The following PRIMA1 variants were observed in gnomAD, a reference collection of about 807,000 sequenced individuals.
The protein encoded by PRIMA1 is proline-rich membrane anchor 1.
PRIMA1 carries 7 observed loss-of-function variants against 17.5 expected under a neutral mutation model. That is an observed-to-expected ratio of 0.40 (90% CI 0.23 to 0.75). PRIMA1 has a LOEUF of 0.75. Among genes scored for constraint, PRIMA1 ranks in the 30% least tolerant of loss-of-function variants. The probability of loss-of-function intolerance (pLI) is 0.37; values close to 1 mark genes in which losing one functional copy is unlikely to be tolerated. For missense variants in PRIMA1, 200 were observed against 201.8 expected, an observed-to-expected ratio of 0.99 and a Z score of 0.05; for synonymous variants, 97 against 77.9, an observed-to-expected ratio of 1.25 and a Z score of -1.29.
At chr14:93,785,369 T>C (rs1162910879) in intron 2 of PRIMA1, among the ~76,000 whole-genome samples, 2 of 152,216 alleles carry the variant, frequency 1.3e-5, no homozygotes, top group African/African-American at 4.8e-5. Flanking sequence ...TCTTATCAAC[T>C]AGCAGCAGTC....
At chr14:93,729,666 G>A (rs1595191292) in intron 4 of PRIMA1, among the ~76,000 whole-genome samples, 1 of 152,220 alleles carries the variant, frequency 6.6e-6, no homozygotes, top group East Asian at 1.9e-4. Context: ...GGCCAGAGCA[G>A]GCAACGAGGG....
chr14:93,760,452 C>T (rs763879332), intron 3 of PRIMA1, among the ~76,000 whole-genome samples: 11 of 152,104 alleles, frequency 7.2e-5, no homozygotes, highest in Admixed American at 2.0e-4. Context: ...GCATCTCCTC[C>T]ACCCACCCTT....
At chr14:93,777,770 G>C (rs1039633203) in intron 3 of PRIMA1, among the ~76,000 whole-genome samples, 4 of 152,216 alleles carry the variant, frequency 2.6e-5, no homozygotes, top group African/African-American at 9.6e-5. Flanking sequence ...GTTGCTGACA[G>C]GATGGCCTTC....
chr14:93,739,146 C>T (rs1264973798), intron 3 of PRIMA1, among the ~76,000 whole-genome samples: 11 of 151,938 alleles, frequency 7.2e-5, no homozygotes, highest in African/African-American at 2.4e-4. Flanking sequence ...TCTGCCTCCT[C>T]GGTTCAAGTG....
chr14:93,773,154 C>G (rs955956691), intron 3 of PRIMA1, among the ~76,000 whole-genome samples: 1 of 152,228 alleles, frequency 6.6e-6, no homozygotes, highest in Admixed American at 6.5e-5. Flanking sequence ...CTCTGAGCCA[C>G]TGCGCTACAT....
At chr14:93,783,255 C>T (rs747942712) in intron 2 of PRIMA1, among the ~76,000 whole-genome samples, 16 of 152,320 alleles carry the variant, frequency 1.1e-4, no homozygotes, top group African/African-American at 3.4e-4. Flanking sequence ...GCTCCCACTT[C>T]GCCCTGGGCA....
chr14:93,788,143 CAG>C (rs1325822843), intron 1 of PRIMA1, among the ~76,000 whole-genome samples: 1 of 152,178 alleles, frequency 6.6e-6, no homozygotes, highest in Non-Finnish European at 1.5e-5. Flanking sequence ...CGCACAACCA[CAG>C]AAACAGCCGT....
chr14:93,786,903 G>A (rs1032948296), intron 2 of PRIMA1, among the ~76,000 whole-genome samples: 4 of 152,230 alleles, frequency 2.6e-5, no homozygotes, highest in African/African-American at 9.6e-5. Context: ...CTCAGAGAGG[G>A]TAAGTGGGTT....
At chr14:93,761,055 C>CCCA (rs1230166578) in intron 3 of PRIMA1, among the ~76,000 whole-genome samples, 1 of 151,824 alleles carries the variant, frequency 6.6e-6, no homozygotes, top group Non-Finnish European at 1.5e-5. Context: ...GAAAAAAAAA[C>CCCA]CCACCTCTGG....
intron 3 of PRIMA1, among the ~76,000 whole-genome samples, chr14:93,771,803 C>T (rs185294257): frequency 1.2e-4 from 18 of 152,142 alleles, no homozygotes; most frequent in Admixed American, 2.6e-4. Flanking sequence ...AAGGACTATA[C>T]GTGCAAAGGC....
rs373588173 is a variant in PRIMA1, at chr14:93,755,089, T to C, written c.230-17719A>G. Among the ~76,000 whole-genome samples, 122 of 152,132 alleles carry C rather than the reference T, an allele frequency of 8.0e-4. 1 individual carries two copies. Among genetic ancestry groups the C allele is most frequent in the African/African-American group, 2.7e-3 (111 of 41,514 alleles). ...AAAATATAACCAATAACCTGGAAGG[T>C]TCTAGAAACATCCAGAAGCTGGTCA... is the stretch of plus-strand genomic sequence containing the variant. On this transcript the variant is annotated intron_variant, in intron 3 of 4. Transcript: ENST00000393140.
intron 3 of PRIMA1, among the ~76,000 whole-genome samples, chr14:93,771,441 T>C (rs1230244882): frequency 2.0e-5 from 3 of 152,162 alleles, no homozygotes; most frequent in Non-Finnish European, 4.4e-5. Context: ...CATGGAGTGT[T>C]AGAGTGAACA....
rs927273552 is a variant in PRIMA1, at chr14:93,719,014, C to G, written c.*2430G>C. The G allele has an allele frequency of 2.6e-5, 4 of 152,054 alleles. No homozygotes were observed. The highest frequency in any genetic ancestry group is 6.6e-5 in the Admixed American group (1 of 15,264). The allele number at this position is 152,054 out of a possible 1,614,324, so 9.4% of individuals were successfully genotyped here. On this transcript the variant is annotated 3_prime_UTR_variant, in exon 5 of 5. Coordinates refer to ENST00000393140, the MANE Select transcript of PRIMA1 (RefSeq NM_178013.4). ...GTAAGCTCAAAATCTAGTGGGTCTC[C>G]CTTGCTGTGCCGTATACTTGTTTTT...
At chr14:93,750,593 A>G (rs2076253685) in intron 3 of PRIMA1, among the ~76,000 whole-genome samples, 1 of 152,156 alleles carries the variant, frequency 6.6e-6, no homozygotes, top group African/African-American at 2.4e-5. Flanking sequence ...AGACACACCT[A>G]TTTGTTTACA....
rs564082726 is a variant in PRIMA1 at position 93,728,968 on chromosome 14, G to A, written c.360-7422C>T. ...AAGCATTCCAGCCCAGGGCAGGTAAGGACCTCGTGCCCCTGCCCCTTGCTG... is the reference window on the plus strand; with the variant it reads ...AAGCATTCCAGCCCAGGGCAGGTAAAGACCTCGTGCCCCTGCCCCTTGCTG... On this transcript the variant is annotated intron_variant, in intron 4 of 4. Coordinates refer to ENST00000393140, the MANE Select transcript of PRIMA1 (RefSeq NM_178013.4). Among the ~76,000 whole-genome samples, 12 of 152,304 alleles carry A rather than the reference G, an allele frequency of 7.9e-5. No homozygotes were observed. In the South Asian group the frequency reaches 2.5e-3, roughly 32 times the overall value.
chr14:93,721,568 AG>A, intron 4 of PRIMA1, 22 bp from the exon 5 acceptor site: 1 of 1,515,714 alleles, frequency 6.6e-7, no homozygotes, highest in Middle Eastern at 1.7e-4. Context: ...GGGAGGGGAC[AG>A]GAAAGGCAAA....
chr14:93,726,663 A>G lies in PRIMA1; in HGVS notation c.360-5117T>C, dbSNP rs563038950. On this transcript the variant is annotated intron_variant, in intron 4 of 4. Coordinates refer to ENST00000393140, the MANE Select transcript of PRIMA1 (RefSeq NM_178013.4). This position sits in a 1 kb window ranked among gnomAD's most constrained non-coding sequence, Gnocchi z 4.2. ...GCACAAATCCACACACACATACAAT[A>G]TACACATACACATAGACACATGTAC... 6.6e-6 allele frequency among the ~76,000 whole-genome samples: 1 copy of G among 152,232 alleles called. No individual in the cohort carries two copies. Among genetic ancestry groups the G allele is most frequent in the South Asian group, 2.1e-4 (1 of 4,832 alleles).
chr14:93,787,909 T>A, intron 1 of PRIMA1, 160 bp from the exon 2 acceptor site: 1 of 776,080 alleles, frequency 1.3e-6, no homozygotes, highest in Non-Finnish European at 2.0e-6. Context: ...ACACCTTCAC[T>A]GACTCTTCGT....
At chr14:93,771,365 T>C (rs755173924) in intron 3 of PRIMA1, among the ~76,000 whole-genome samples, 1 of 152,104 alleles carries the variant, frequency 6.6e-6, no homozygotes, top group African/African-American at 2.4e-5. Flanking sequence ...ACAGCTCCCA[T>C]CAGCCTCTCA....
Sources: allele counts gnomAD v4.1 joint callset (sites outside exome capture counted in the v4.1 genomes callset), GRCh38; gene constraint gnomAD v4.1.1; non-coding constraint Gnocchi (gnomAD v3.1); transcripts MANE v1.5; gene names NCBI Gene and HGNC (gene_info 2026-07-23, HGNC 2026-07-21).